TNKS: variants seen among roughly 807,000 people sequenced by gnomAD.
The protein encoded by TNKS is tankyrase.
TNKS carries 72 observed loss-of-function variants against 135.8 expected under a neutral mutation model. The ratio of observed to expected loss-of-function variants is 0.53; its 90% CI spans 0.44 to 0.64. The LOEUF (loss-of-function observed/expected upper bound fraction) is 0.64. Among genes scored for constraint, TNKS ranks in the 30% least tolerant of loss-of-function variants. TNKS has a pLI of 0.00. For synonymous variants in TNKS, 849 were observed against 649.3 expected (o/e 1.31, Z -4.68); for missense variants, 1,769 against 1,674.0 (o/e 1.06, Z -0.99).
At chr8:9,710,860 C>A (rs914303603) in intron 11 of TNKS, among the ~76,000 whole-genome samples, 1 of 152,062 alleles carries the variant, frequency 6.6e-6, no homozygotes, top group African/African-American at 2.4e-5. Flanking sequence ...TGCGCCACTA[C>A]ACTCCAGCCT....
chr8:9,573,209 A>C (rs13270240), intron 1 of TNKS, among the ~76,000 whole-genome samples: 16,122 of 152,218 alleles, frequency 0.11, 1,212 homozygotes, highest in Admixed American at 0.22. Context: ...AGTCAAATTA[A>C]ATTTAACAGT....
At chr8:9,633,737 C>T (rs1800387583) in intron 3 of TNKS, among the ~76,000 whole-genome samples, 1 of 152,186 alleles carries the variant, frequency 6.6e-6, no homozygotes, top group Non-Finnish European at 1.5e-5. Context: ...TGTAAACTGC[C>T]TTATAGACAA....
At chr8:9,746,153 A>G (rs962064805) in intron 17 of TNKS, among the ~76,000 whole-genome samples, 2 of 152,190 alleles carry the variant, frequency 1.3e-5, no homozygotes, top group African/African-American at 4.8e-5. Flanking sequence ...ATGCCCAGAA[A>G]TGTGTCTGTA....
intron 5 of TNKS, among the ~76,000 whole-genome samples, chr8:9,699,390 A>G (rs1803688014): frequency 1.3e-5 from 2 of 152,140 alleles, no homozygotes; most frequent in African/African-American, 4.8e-5. Flanking sequence ...TAGCAGTTGT[A>G]AATTTCTTTT....
chr8:9,769,808 A>G (rs1455060522), intron 25 of TNKS, among the ~76,000 whole-genome samples: 4 of 151,602 alleles, frequency 2.6e-5, no homozygotes, highest in Non-Finnish European at 5.9e-5. Flanking sequence ...TTTAGTAGAG[A>G]CGAGGTTTTT....
At chr8:9,735,629 T>C (rs1420699753) in intron 17 of TNKS, 143 bp downstream of exon 17, 30 of 619,158 alleles carry the variant, frequency 4.8e-5, no homozygotes, top group Admixed American at 8.4e-5. Flanking sequence ...TGAAACCCCG[T>C]CTCTACTAAA....
rs970896155 is a variant in TNKS at position 9,684,543 on chromosome 8, G to A, written c.1107+3743G>A. On this transcript the variant is annotated intron_variant, in intron 5 of 26. Transcript: ENST00000310430. ...CATTCCTCATCTTAATAGGCAATAGGTAGGGGTTAGGGACTATTGCACATA... is the reference window on the plus strand; with the variant it reads ...CATTCCTCATCTTAATAGGCAATAGATAGGGGTTAGGGACTATTGCACATA... Among the ~76,000 whole-genome samples, 8 of 151,998 alleles carry A rather than the reference G, an allele frequency of 5.3e-5. No individual in the cohort carries two copies. The East Asian group carries it at 7.7e-4, about 15-fold the overall frequency.
chr8:9,776,420 T>C (rs993930369), intron 26 of TNKS, among the ~76,000 whole-genome samples: 9 of 152,222 alleles, frequency 5.9e-5, no homozygotes, highest in East Asian at 5.8e-4. Flanking sequence ...TGGAGCTTAA[T>C]TGACAGTATT....
intron 2 of TNKS, among the ~76,000 whole-genome samples, chr8:9,596,711 C>A (rs779113984): frequency 1.3e-5 from 2 of 152,182 alleles, no homozygotes; most frequent in Non-Finnish European, 2.9e-5. Flanking sequence ...ACTTTTGTGT[C>A]AAGCCTGAAA....
chr8:9,694,435 A>G (rs1451531941), intron 5 of TNKS, among the ~76,000 whole-genome samples: 1 of 152,136 alleles, frequency 6.6e-6, no homozygotes, highest in Non-Finnish European at 1.5e-5. Flanking sequence ...GATCGTGGCA[A>G]GTGTTTTCAG....
chr8:9,714,750 G>A (rs6601349), intron 11 of TNKS, among the ~76,000 whole-genome samples: 104,990 of 151,988 alleles, frequency 0.69, 36,554 homozygotes, highest in Middle Eastern at 0.8. Flanking sequence ...TGGACTTAGA[G>A]AATGGTGGTG....
chr8:9,769,963 C>G, intron 25 of TNKS, 143 bp from the exon 26 acceptor site: 5 of 678,692 alleles, frequency 7.4e-6, no homozygotes, highest in Non-Finnish European at 1.2e-5. Flanking sequence ...CAAATTCCAT[C>G]CCATTCCTAC....
At chr8:9,566,575 C>G (rs916648902) in intron 1 of TNKS, 2 of 149,442 alleles carry the variant, frequency 1.3e-5, no homozygotes, top group East Asian at 3.9e-4. Context: ...AATATTAATC[C>G]TCGTATATTA....
At chr8:9,721,384 T>C (rs1804875220) in intron 12 of TNKS, among the ~76,000 whole-genome samples, 1 of 150,490 alleles carries the variant, frequency 6.6e-6, no homozygotes, top group Non-Finnish European at 1.5e-5. Context: ...TATAAATTGA[T>C]AAGAAAATAG....
rs71201959 is a variant in TNKS at position 9,649,878 on chromosome 8, C to CT, written c.995-30044dup. Among the ~76,000 whole-genome samples, 71 of 83,370 alleles carry CT rather than the reference C, an allele frequency of 8.5e-4. 3 individuals are homozygous for CT. The highest frequency in any genetic ancestry group is 3.7e-3 in the African/African-American group (69 of 18,784). 54.7% of individuals were successfully genotyped at this position (83,370 alleles called of 152,430 possible). The stretch of plus-strand genomic sequence containing the variant: ...CACAGTTCTTTCTTTCTTTTCTTTT[C>CT]TTTTTTTTTTTTTTTTTTTTTTTTT... On this transcript the variant is annotated intron_variant, in intron 3 of 26. Coordinates refer to ENST00000310430, the MANE Select transcript of TNKS (RefSeq NM_003747.3).
intron 17 of TNKS, 25 bp downstream of exon 17, chr8:9,735,511 A>G (rs1274305610): frequency 4.4e-6 from 7 of 1,597,788 alleles, no homozygotes; most frequent in African/African-American, 4.0e-5. Context: ...ATTAAAATCT[A>G]GAAAACTGAC....
intron 2 of TNKS, among the ~76,000 whole-genome samples, chr8:9,598,591 G>GCT (rs1798880163): frequency 6.6e-6 from 1 of 150,976 alleles, no homozygotes. Context: ...AGCTACTCGG[G>GCT]AGGCTGAGGT....
At chr8:9,612,925 G>A (rs992421288) in intron 2 of TNKS, among the ~76,000 whole-genome samples, 3 of 152,132 alleles carry the variant, frequency 2.0e-5, no homozygotes, top group Non-Finnish European at 2.9e-5. Context: ...ACATTTTTAA[G>A]GAAGATAAAA....
At chr8:9,673,664 T>C (rs932295988) in intron 3 of TNKS, among the ~76,000 whole-genome samples, 4 of 152,166 alleles carry the variant, frequency 2.6e-5, no homozygotes, top group East Asian at 1.9e-4. Context: ...CAGGCTGGTA[T>C]TGAACTCCTG....
Sources: allele counts gnomAD v4.1 joint callset (sites outside exome capture counted in the v4.1 genomes callset), GRCh38; gene constraint gnomAD v4.1.1; transcripts MANE v1.5; gene names NCBI Gene and HGNC (gene_info 2026-07-23, HGNC 2026-07-21).